Variants in ZDBF2 observed in about 807,000 individuals in gnomAD.
ZDBF2 encodes zinc finger DBF-type containing 2.
ZDBF2 carries 6 observed loss-of-function variants against 9.4 expected under a neutral mutation model. The observed-to-expected ratio is 0.64, with a 90% confidence interval of 0.35 to 1.27. The LOEUF (loss-of-function observed/expected upper bound fraction) is 1.27. ZDBF2 is among the 50% of genes most tolerant of loss of function. The pLI, the probability that ZDBF2 is intolerant of heterozygous loss-of-function variation, is 0.03. For synonymous variants in ZDBF2, 905 were observed against 946.3 expected (o/e 0.96, Z 0.80); for missense variants, 2,697 against 2,766.8 (o/e 0.97, Z 0.57).
intron 3 of ZDBF2, among the ~76,000 whole-genome samples, chr2:206,294,314 A>G (rs950412105): frequency 6.6e-6 from 1 of 152,134 alleles, no homozygotes; most frequent in Non-Finnish European, 1.5e-5. Flanking sequence ...CTACTTTGTG[A>G]TAGTTGATTG....
rs534843502 is a variant in ZDBF2, at chr2:206,308,166, G to A, written c.3638G>A (p.Arg1213Gln). 1.6e-5 allele frequency: 26 copies of A among 1,613,702 alleles called. No homozygotes were observed. Among genetic ancestry groups the A allele is most frequent in the African/African-American group, 2.7e-5 (2 of 74,988 alleles). ...GACCCTCTTCAGTCAGTGGCTGACC[G>A]GCTGAGAGAAACCGTTAAAGAAATA... is the stretch of plus-strand genomic sequence containing the variant. ...SDDPLQSVAD[R>Q]LRETVKEISL... The change falls in exon 5 of 5, where the codon CGG (arginine) becomes CAG (glutamine). Residue 1213 changes from arginine (R) to glutamine (Q), a missense_variant. Physicochemically the swap from Arg to Gln is conservative, Grantham distance 43 (BLOSUM62 1). This residue lies in a region of ZDBF2 where 1,783 missense variants were observed against 1,776.5 expected (regional missense o/e 1.00). Transcript: ENST00000374423.
intron 3 of ZDBF2, among the ~76,000 whole-genome samples, chr2:206,291,780 T>C (rs1691912198): frequency 6.6e-6 from 1 of 152,190 alleles, no homozygotes; most frequent in Non-Finnish European, 1.5e-5. Flanking sequence ...CTATTAATAA[T>C]ATTTTGTTGA....
chr2:206,296,219 T>A (rs1692170135), intron 3 of ZDBF2, among the ~76,000 whole-genome samples: 1 of 152,120 alleles, frequency 6.6e-6, no homozygotes, highest in South Asian at 2.1e-4. Context: ...AAATGGAAAA[T>A]TCCAGAAATA....
intron 1 of ZDBF2, among the ~76,000 whole-genome samples, chr2:206,276,002 G>A (rs1365763941): frequency 6.6e-6 from 1 of 152,066 alleles, no homozygotes; most frequent in African/African-American, 2.4e-5. Flanking sequence ...GTAAGAACTG[G>A]TTTCTATAAA....
intron 2 of ZDBF2, 47 bp downstream of exon 2, chr2:206,279,639 CAG>C (rs1251347046): frequency 6.6e-6 from 1 of 151,884 alleles, no homozygotes; most frequent in East Asian, 1.9e-4. Context: ...TAGGAGAATT[CAG>C]AGTTTGTATA....
At position 206,304,747 on chromosome 2, in the gene ZDBF2, T is replaced by C. The variant is rs775118667; in HGVS notation, c.219T>C (p.Thr73=). The C allele has an allele frequency of 1.2e-6, 2 of 1,612,810 alleles. No individual in the cohort carries two copies. The highest frequency in any genetic ancestry group is 1.7e-4 in the Middle Eastern group (1 of 5,946). The change falls in exon 5 of 5, where the codon ACT becomes ACC. Residue 73 remains threonine, a synonymous_variant. Coordinates refer to ENST00000374423, the MANE Select transcript of ZDBF2 (RefSeq NM_020923.3). ...SSTQDETHVN[T]GSSSEVVHLD... Reference sequence around the variant, plus strand: ...CACAAGATGAGACACATGTGAATACTGGGTCATCGTCTGAAGTGGTGCATT... The same window carrying C: ...CACAAGATGAGACACATGTGAATACCGGGTCATCGTCTGAAGTGGTGCATT...
Position 206,296,040 on chromosome 2 carries a change from A to G in ZDBF2, c.61-1206A>G, listed in dbSNP as rs997471688. Reference sequence around the variant, plus strand: ...CTGTTCTCTCTCTTAACAGATTTTCATTTTAAAAAACATTTACTCATTGAA... The same window carrying G: ...CTGTTCTCTCTCTTAACAGATTTTCGTTTTAAAAAACATTTACTCATTGAA... On this transcript the variant is annotated intron_variant, in intron 3 of 4. Coordinates refer to ENST00000374423, the MANE Select transcript of ZDBF2 (RefSeq NM_020923.3). 3.3e-5 allele frequency among the ~76,000 whole-genome samples: 5 copies of G among 152,118 alleles called. No homozygotes were observed. The East Asian group carries it at 7.7e-4, about 23-fold the overall frequency.
At position 206,309,918 on chromosome 2, in the gene ZDBF2, C is replaced by T. The variant is rs746979785; in HGVS notation, c.5390C>T (p.Ser1797Phe). Residue 1797 changes from serine to phenylalanine, a missense_variant, in exon 5 of 5, where the codon TCT becomes TTT. Coordinates refer to ENST00000374423, the MANE Select transcript of ZDBF2 (RefSeq NM_020923.3). ...SQSSSVLKVDSVRNLKKAKDV... is the reference protein window; with the variant it reads ...SQSSSVLKVDFVRNLKKAKDV... ...TCAAGCTCTGTTCTCAAGGTTGATT[C>T]TGTAAGGAACCTGAAAAAAGCAAAG... is the stretch of plus-strand genomic sequence containing the variant. 62 of 1,613,786 alleles carry T rather than the reference C, an allele frequency of 3.8e-5. No homozygotes were observed. Among genetic ancestry groups the T allele is most frequent in the Non-Finnish European group, 5.1e-5 (60 of 1,179,888 alleles).
chr2:206,309,536 G>A lies in ZDBF2; in HGVS notation c.5008G>A (p.Glu1670Lys). 1 of 1,613,964 alleles carries A rather than the reference G, an allele frequency of 6.2e-7. No homozygotes were observed. The highest frequency in any genetic ancestry group is 8.5e-7 in the Non-Finnish European group (1 of 1,179,896). Residue 1670 changes from glutamate to lysine, a missense_variant, in exon 5 of 5, where the codon GAA (glutamate) becomes AAA (lysine). This residue lies in a region of ZDBF2 where 1,783 missense variants were observed against 1,776.5 expected (regional missense o/e 1.00). Coordinates refer to ENST00000374423, the MANE Select transcript of ZDBF2 (RefSeq NM_020923.3). ...YNGSKGKFNL[E>K]DTSHRTTHRL... ...TGGTTCTAAAGGAAAATTTAATTTG[G>A]AAGACACTTCTCATCGAACGACTCA... is the stretch of plus-strand genomic sequence containing the variant.
At chr2:206,275,250 G>A (rs1243443675) in intron 1 of ZDBF2, among the ~76,000 whole-genome samples, 1 of 152,122 alleles carries the variant, frequency 6.6e-6, no homozygotes, top group East Asian at 1.9e-4. Context: ...CGAGGCCTCG[G>A]GTCCGGGCTT....
At chr2:206,288,671 C>T (rs1334669271) in intron 3 of ZDBF2, among the ~76,000 whole-genome samples, 1 of 152,072 alleles carries the variant, frequency 6.6e-6, no homozygotes, top group East Asian at 1.9e-4. Context: ...ATGTAGGTTG[C>T]CCACAGAGCC....
chr2:206,306,858 A>G lies in ZDBF2; in HGVS notation c.2330A>G (p.Asp777Gly). The stretch of plus-strand genomic sequence containing the variant: ...GCTGAAGGAAAAGAACGGCACATTG[A>G]CCTGGAAGATGAGAGCTGTGAGTCA... Reference protein sequence around the residue: ...LDAEGKERHIDLEDESCESDS... With the variant: ...LDAEGKERHIGLEDESCESDS... Residue 777 changes from aspartate to glycine, a missense_variant, in exon 5 of 5, where the codon GAC becomes GGC. This residue lies in a region of ZDBF2 where 910 missense variants were observed against 973.6 expected (regional missense o/e 0.93). Coordinates refer to ENST00000374423, the MANE Select transcript of ZDBF2 (RefSeq NM_020923.3). 6.2e-7 allele frequency: 1 copy of G among 1,613,846 alleles called. No individual in the cohort carries two copies. The highest frequency in any genetic ancestry group is 8.5e-7 in the Non-Finnish European group (1 of 1,179,824).
In ZDBF2 at chr2:206,314,257, G is replaced by A. The variant is rs1193996702; in HGVS notation, c.*2664G>A. On this transcript the variant is annotated 3_prime_UTR_variant, in exon 5 of 5. Transcript: ENST00000374423. ...ATTATTTATGTAACTAGGGCTGTGA[G>A]TAACACTTTTTTTTTTTTTTTTTGG... 8.3e-6 allele frequency: 1 copy of A among 120,288 alleles called. No individual in the cohort carries two copies. Among genetic ancestry groups the A allele is most frequent in the Non-Finnish European group, 1.7e-5 (1 of 57,590 alleles). The allele number at this position is 120,288 out of a possible 1,614,324, so 7.5% of individuals were successfully genotyped here.
rs201441967 is a variant in ZDBF2, at chr2:206,306,537, T to C, written c.2009T>C (p.Phe670Ser). The C allele has an allele frequency of 1.4e-5, 23 of 1,613,712 alleles. No homozygotes were observed. The African/African-American group carries it at 2.9e-4, about 21-fold the overall frequency. The stretch of plus-strand genomic sequence containing the variant: ...GAATCCCATGGTCCTGAAATGGGTT[T>C]TCAGGCTGATGCTCAATTAGCTGAC... Reference protein sequence around the residue: ...NCESHGPEMGFQADAQLADQS... With the variant: ...NCESHGPEMGSQADAQLADQS... The change falls in exon 5 of 5, where the codon TTT becomes TCT. Residue 670 changes from phenylalanine to serine, a missense_variant. Transcript: ENST00000374423.
At chr2:206,287,516 C>T (rs1691664251) in intron 3 of ZDBF2, among the ~76,000 whole-genome samples, 1 of 152,116 alleles carries the variant, frequency 6.6e-6, no homozygotes, top group Non-Finnish European at 1.5e-5. Flanking sequence ...GGTCTTTGAC[C>T]TTTGACAGTT....
rs1413506939 is a variant in ZDBF2 at position 206,313,988 on chromosome 2, GA to G, written c.*2396del. 6.6e-6 allele frequency: 1 copy of G among 152,120 alleles called. No individual in the cohort carries two copies. The highest frequency in any genetic ancestry group is 1.5e-5 in the Non-Finnish European group (1 of 67,994). 9.4% of individuals were successfully genotyped at this position (152,120 alleles called of 1,614,324 possible). ...ACTTTCAGAATTTGGTAGTATACAA[GA>G]TGTGCCCCTTTGTCTAAATAAATGT... is the stretch of plus-strand genomic sequence containing the variant. On this transcript the variant is annotated 3_prime_UTR_variant, in exon 5 of 5. Transcript: ENST00000374423.
At chr2:206,295,363 CTTTTTTTTT>C (rs571707187) in intron 3 of ZDBF2, among the ~76,000 whole-genome samples, 2 of 110,982 alleles carry the variant, frequency 1.8e-5, no homozygotes, top group African/African-American at 6.8e-5. Flanking sequence ...CTTTTCTTTT[CTTTTTTTTT>C]TTTTTTTTTG....
At chr2:206,292,832 C>T (rs1186321128) in intron 3 of ZDBF2, among the ~76,000 whole-genome samples, 1 of 151,888 alleles carries the variant, frequency 6.6e-6, no homozygotes, top group Non-Finnish European at 1.5e-5. Flanking sequence ...AAACTATAAA[C>T]CTTGAAAGAA....
chr2:206,307,553 T>C lies in ZDBF2; in HGVS notation c.3025T>C (p.Tyr1009His). The C allele has an allele frequency of 6.2e-7, 1 of 1,613,782 alleles. No homozygotes were observed. The highest frequency in any genetic ancestry group is 1.1e-5 in the South Asian group (1 of 91,060). Residue 1009 changes from tyrosine to histidine, a missense_variant, in exon 5 of 5, where the codon TAT becomes CAT. Tyr to His is a moderately conservative substitution (Grantham distance 83). Coordinates refer to ENST00000374423, the MANE Select transcript of ZDBF2 (RefSeq NM_020923.3). The part of the protein sequence containing the change: ...KTSLDSGVPH[Y>H]SVTEPQVAVN... ...AAGTTTAGATTCTGGTGTCCCTCAT[T>C]ATTCAGTAACTGAACCTCAAGTAGC...
Sources: gnomAD v4.1 joint callset for allele counts (sites outside exome capture counted in the v4.1 genomes callset) on GRCh38, gnomAD v4.1.1 for gene constraint, gnomAD v4.1.1 regional missense constraint, MANE v1.5 for transcripts, NCBI Gene and HGNC (gene_info 2026-07-23, HGNC 2026-07-21) for gene names.